Variants in SHOC1 observed in about 807,000 individuals in gnomAD.
SHOC1 encodes protein shortage in chiasmata 1 ortholog.
Under a neutral mutation model 179.2 loss-of-function variants are expected in SHOC1, and 136 were observed. The ratio of observed to expected loss-of-function variants is 0.76; its 90% CI spans 0.66 to 0.87. SHOC1 has a LOEUF of 0.87. Among genes scored for constraint, SHOC1 ranks in the 40% least tolerant of loss-of-function variants. The probability of loss-of-function intolerance (pLI) is 0.00; values close to 1 mark genes in which losing one functional copy is unlikely to be tolerated. For missense variants in SHOC1, 1,538 were observed against 1,700.8 expected (o/e 0.90, Z 1.68); for synonymous variants, 489 against 586.6 (o/e 0.83, Z 2.41).
At chr9:111,766,171 G>A (rs1475445703) in intron 5 of SHOC1, among the ~76,000 whole-genome samples, 2 of 152,004 alleles carry the variant, frequency 1.3e-5, no homozygotes, top group Non-Finnish European at 2.9e-5. Flanking sequence ...TCTGTGCTTG[G>A]CTTATTTCAC....
chr9:111,753,125 A>G (rs1222446171), intron 8 of SHOC1, among the ~76,000 whole-genome samples: 1 of 152,216 alleles, frequency 6.6e-6, no homozygotes, highest in African/African-American at 2.4e-5. Flanking sequence ...AGTTTTTTAA[A>G]CTATATATCT....
At chr9:111,740,459 A>G (rs1833983160) in intron 11 of SHOC1, among the ~76,000 whole-genome samples, 1 of 152,214 alleles carries the variant, frequency 6.6e-6, no homozygotes. Context: ...CATTTCCGTG[A>G]TGGAATAGTT....
At chr9:111,698,765 C>T (rs1831827021) in intron 24 of SHOC1, among the ~76,000 whole-genome samples, 1 of 152,066 alleles carries the variant, frequency 6.6e-6, no homozygotes, top group Admixed American at 6.6e-5. Context: ...CATGTTTGTG[C>T]AAAGGCTGAG....
At chr9:111,720,865 C>T (rs907959696) in intron 15 of SHOC1, among the ~76,000 whole-genome samples, 13 of 152,122 alleles carry the variant, frequency 8.5e-5, no homozygotes, top group Admixed American at 3.3e-4. Context: ...TGTCAGCGTC[C>T]TTTTCTGGTC....
chr9:111,692,163 T>C lies in SHOC1; in HGVS notation c.3814A>G (p.Ile1272Val), dbSNP rs1034902618. 1.7e-5 allele frequency: 27 copies of C among 1,613,582 alleles called. No homozygotes were observed. The highest frequency in any genetic ancestry group is 2.0e-5 in the Non-Finnish European group (24 of 1,179,742). ...GCCGGTCTCCTTGATTCTATATTAA[T>C]TAGAAAAGGAGTATTCTGCCCTATA... The part of the protein sequence containing the change: ...SNIGQNTPFL[I>V]NIESRRPAYN... Residue 1272 changes from isoleucine to valine, a missense_variant, in exon 27 of 28, where the codon ATT (isoleucine) becomes GTT (valine). Physicochemically the swap from Ile to Val is conservative, Grantham distance 29. Transcript: ENST00000682961.
chr9:111,785,974 T>C lies in SHOC1; in HGVS notation c.107A>G (p.Tyr36Cys). Residue 36 changes from tyrosine (Y) to cysteine (C), a missense_variant, in exon 3 of 28, where the codon TAT (tyrosine) becomes TGT (cysteine). Transcript: ENST00000682961. The part of the protein sequence containing the change: ...ALLLRIPSCL[Y>C]QDESYHVAVT... ...TGCTACATGGTAACTTTCATCTTGA[T>C]ATAAACATGAAGGGATTCGAAGCAA... The C allele has an allele frequency of 6.5e-7, 1 of 1,530,824 alleles. No individual in the cohort carries two copies. The highest frequency in any genetic ancestry group is 8.8e-7 in the Non-Finnish European group (1 of 1,138,644). 94.8% of individuals were successfully genotyped at this position (1,530,824 alleles called of 1,614,324 possible).
rs762305471 is a variant in SHOC1, at chr9:111,693,848, A to G, written c.3416T>C (p.Leu1139Pro). 6.2e-7 allele frequency: 1 copy of G among 1,611,946 alleles called. No individual in the cohort carries two copies. Among genetic ancestry groups the G allele is most frequent in the East Asian group, 2.2e-5 (1 of 44,750 alleles). Reference protein sequence around the residue: ...PSLHWILLATLCQLQELLPEV... With the variant: ...PSLHWILLATPCQLQELLPEV... ...AGGTAGGAGTTCCTGAAGTTGACAC[A>G]GAGTTGCTAATAATATCCAATGCAG... The change falls in exon 26 of 28, where the codon CTG (leucine) becomes CCG (proline). Residue 1139 changes from leucine (L) to proline (P), a missense_variant. Leu to Pro is a moderately conservative substitution (Grantham distance 98). Coordinates refer to ENST00000682961, the MANE Select transcript of SHOC1 (RefSeq NM_001378211.1).
chr9:111,702,295 T>A, intron 22 of SHOC1, 69 bp from the exon 23 acceptor site: 7 of 1,024,892 alleles, frequency 6.8e-6, no homozygotes, highest in Non-Finnish European at 1.0e-5. Flanking sequence ...ATGTTATCAT[T>A]ATTTCAAGAA....
At chr9:111,773,518 G>T (rs888204859) in intron 5 of SHOC1, among the ~76,000 whole-genome samples, 1 of 152,044 alleles carries the variant, frequency 6.6e-6, no homozygotes, top group Non-Finnish European at 1.5e-5. Context: ...CACCACGTTG[G>T]CCAGGCTGGT....
chr9:111,738,501 T>G lies in SHOC1; in HGVS notation c.1196A>C (p.His399Pro), dbSNP rs199810749. ...LLTVPRIQEPHSQYSVTDLKK... is the reference protein window; with the variant it reads ...LLTVPRIQEPPSQYSVTDLKK... ...CAAATCTGTAACTGAATATTGGCTG[T>G]GGGGCTCTTGAATTCTTGGCACTTA... The change falls in exon 12 of 28, where the codon CAC becomes CCC. Residue 399 changes from histidine to proline, a missense_variant. His to Pro is a moderately conservative substitution (Grantham distance 77, BLOSUM62 -2). Transcript: ENST00000682961. 4 of 1,568,506 alleles carry G rather than the reference T, an allele frequency of 2.6e-6. No individual in the cohort carries two copies. Among genetic ancestry groups the G allele is most frequent in the Non-Finnish European group, 3.4e-6 (4 of 1,164,720 alleles).
chr9:111,742,430 A>T (rs184926432), intron 10 of SHOC1, among the ~76,000 whole-genome samples: 1 of 151,642 alleles, frequency 6.6e-6, no homozygotes, highest in African/African-American at 2.4e-5. Flanking sequence ...AAGACCTTCA[A>T]TCTTGGTGGG....
intron 3 of SHOC1, among the ~76,000 whole-genome samples, chr9:111,785,206 T>G (rs151051721): frequency 6.6e-6 from 1 of 152,292 alleles, no homozygotes; most frequent in African/African-American, 2.4e-5. Context: ...AACTCAAATG[T>G]CCTCCTCCTG....
chr9:111,757,955 T>C (rs1309102081), intron 7 of SHOC1, 129 bp downstream of exon 7: 2 of 535,150 alleles, frequency 3.7e-6, no homozygotes, highest in Non-Finnish European at 6.6e-6. Flanking sequence ...GACTTCTTAA[T>C]TGATACATGT....
chr9:111,765,768 C>T (rs1835327662), intron 5 of SHOC1, among the ~76,000 whole-genome samples: 2 of 151,828 alleles, frequency 1.3e-5, no homozygotes, highest in African/African-American at 4.8e-5. Flanking sequence ...GGCTAGAGTG[C>T]AGTGGCACGA....
chr9:111,740,176 C>A (rs867459219), intron 11 of SHOC1, among the ~76,000 whole-genome samples: 23 of 152,022 alleles, frequency 1.5e-4, no homozygotes, highest in Middle Eastern at 3.2e-3. Context: ...CTTTTGTATG[C>A]TCTTATTTTG....
chr9:111,788,545 G>A (rs1836344222), intron 2 of SHOC1, among the ~76,000 whole-genome samples: 5 of 152,242 alleles, frequency 3.3e-5, no homozygotes, highest in African/African-American at 1.2e-4. Context: ...AAGGCCCCTT[G>A]TAATATCAGT....
Position 111,716,640 on chromosome 9 carries a change from CT to C in SHOC1, c.2236+1543del, listed in dbSNP as rs563034963. 9.8e-4 allele frequency among the ~76,000 whole-genome samples: 149 copies of C among 152,292 alleles called. 1 individual carries two copies. In the Middle Eastern group the frequency reaches 0.01, roughly 10 times the overall value. Reference sequence around the variant, plus strand: ...TCCTGACCTCAGGTGATCCGCCCACCTCAGCCTCCCAAAGTGCTGGGATTAC... The same window carrying C: ...TCCTGACCTCAGGTGATCCGCCCACCCAGCCTCCCAAAGTGCTGGGATTAC... On this transcript the variant is annotated intron_variant, in intron 16 of 27. Coordinates refer to ENST00000682961, the MANE Select transcript of SHOC1 (RefSeq NM_001378211.1).
chr9:111,742,488 C>T (rs59509768), intron 10 of SHOC1, among the ~76,000 whole-genome samples: 1 of 150,026 alleles, frequency 6.7e-6, no homozygotes, highest in African/African-American at 2.5e-5. Flanking sequence ...TAGGGGTACT[C>T]GGGGGGAGAA....
chr9:111,696,566 T>C (rs1831701074), intron 24 of SHOC1, among the ~76,000 whole-genome samples: 1 of 152,198 alleles, frequency 6.6e-6, no homozygotes, highest in Admixed American at 6.5e-5. Flanking sequence ...GAAAAGCTTT[T>C]AGAATAGTTT....
Sources: gnomAD v4.1 joint callset for allele counts (sites outside exome capture counted in the v4.1 genomes callset) on GRCh38, gnomAD v4.1.1 for gene constraint, MANE v1.5 for transcripts, NCBI Gene and HGNC (gene_info 2026-07-23, HGNC 2026-07-21) for gene names.